Variants in SMARCAD1 observed in about 807,000 individuals in gnomAD.
SMARCAD1 encodes SNF2 related chromatin remodeling ATPase with DExD box 1.
A neutral mutation model predicts 127.1 loss-of-function variants in SMARCAD1; 25 were observed. The ratio of observed to expected loss-of-function variants is 0.20; its 90% confidence interval spans 0.14 to 0.27. The LOEUF (loss-of-function observed/expected upper bound fraction) is 0.27, where lower values mean the gene tolerates loss of function less well. SMARCAD1 is among the 10% of genes least tolerant of loss of function. The pLI, the probability that SMARCAD1 is intolerant of heterozygous loss-of-function variation, is 1.00. For missense variants in SMARCAD1, 807 were observed against 1,206.0 expected (o/e 0.67, Z 4.90); for synonymous variants, 400 against 396.9 (o/e 1.01, Z -0.09).
chr4:94,280,386 T>C (rs995596254), intron 19 of SMARCAD1, among the ~76,000 whole-genome samples: 4 of 152,276 alleles, frequency 2.6e-5, no homozygotes, highest in Non-Finnish European at 5.9e-5. Flanking sequence ...GTAAATATTT[T>C]AGTATGTTAT....
chr4:94,276,588 T>G lies in SMARCAD1; in HGVS notation c.1944+114T>G, dbSNP rs532927457. The G allele has an allele frequency of 5.8e-4, 778 of 1,350,332 alleles. 8 individuals carry two copies. Among genetic ancestry groups the G allele is most frequent in the South Asian group, 3.7e-3 (279 of 74,672 alleles). The allele number at this position is 1,350,332 out of a possible 1,614,324, so 83.6% of individuals were successfully genotyped here. A position where few individuals can be genotyped will look rare whatever the true frequency, so the allele number is the denominator to read the frequency against. On this transcript the variant is annotated intron_variant, in intron 15 of 23. Transcript: ENST00000354268. ...ATTATGTAGTTTAATATATGTAGTATTCTGTGTTAGCAAGTTTTTTCTGTA... is the reference window on the plus strand; with the variant it reads ...ATTATGTAGTTTAATATATGTAGTAGTCTGTGTTAGCAAGTTTTTTCTGTA...
At chr4:94,267,705 T>C (rs1490953630) in intron 10 of SMARCAD1, among the ~76,000 whole-genome samples, 1 of 152,072 alleles carries the variant, frequency 6.6e-6, no homozygotes, top group East Asian at 1.9e-4. Flanking sequence ...TTTAAATCAC[T>C]TTTTTCCTTA....
chr4:94,289,871 C>A lies in SMARCAD1; in HGVS notation c.*337C>A. On this transcript the variant is annotated 3_prime_UTR_variant, in exon 24 of 24. Coordinates refer to ENST00000354268, the MANE Select transcript of SMARCAD1 (RefSeq NM_020159.5). ...GTATTTTTGTAATTATTTCTACCTC[C>A]AAATATATATATATTGTCTTTCACT... The A allele has an allele frequency of 2.1e-6, 1 of 466,238 alleles. No individual in the cohort carries two copies. The highest frequency in any genetic ancestry group is 4.2e-6 in the Non-Finnish European group (1 of 235,778). 28.9% of individuals were successfully genotyped at this position (466,238 alleles called of 1,614,324 possible). A position where few individuals can be genotyped will look rare whatever the true frequency, so the allele number is the denominator to read the frequency against.
At position 94,240,913 on chromosome 4, in the gene SMARCAD1, G is replaced by A. The variant is rs938224510; in HGVS notation, c.612G>A (p.Gly204=). The stretch of plus-strand genomic sequence containing the variant: ...GCTGCTCTGCTTTAAAAGGTGGTGG[G>A]CCCAGGAAAAGAAAATTATCTTCTT... ...ALLMFGDAGG[G]PRKRKLSSSS... The change falls in exon 6 of 24, where the codon GGG becomes GGA. Residue 204 remains glycine, a synonymous_variant. Coordinates refer to ENST00000354268, the MANE Select transcript of SMARCAD1 (RefSeq NM_020159.5). The A allele has an allele frequency of 3.7e-6, 6 of 1,612,388 alleles. No individual in the cohort carries two copies. In the African/African-American group the frequency reaches 8.0e-5, roughly 22 times the overall value.
chr4:94,215,290 CAAAAG>C (rs1212536439), intron 2 of SMARCAD1, among the ~76,000 whole-genome samples: 1 of 152,064 alleles, frequency 6.6e-6, no homozygotes, highest in African/African-American at 2.4e-5. Context: ...AATAAGTACT[CAAAAG>C]TAAGTAGGAA....
intron 21 of SMARCAD1, among the ~76,000 whole-genome samples, chr4:94,282,858 A>G (rs1239982310): frequency 1.3e-5 from 2 of 152,186 alleles, no homozygotes; most frequent in Non-Finnish European, 2.9e-5. Flanking sequence ...CAAGTTTAAA[A>G]AGGACAAAAT....
At chr4:94,228,348 A>G (rs189467102) in intron 3 of SMARCAD1, among the ~76,000 whole-genome samples, 21 of 152,328 alleles carry the variant, frequency 1.4e-4, no homozygotes, top group Non-Finnish European at 2.6e-4. Flanking sequence ...GTAAACAGCA[A>G]TTACAATAAC....
At chr4:94,218,686 G>A (rs967571981) in intron 2 of SMARCAD1, among the ~76,000 whole-genome samples, 6 of 151,998 alleles carry the variant, frequency 3.9e-5, no homozygotes, top group Non-Finnish European at 7.4e-5. Context: ...CTTATATTTA[G>A]TGTATTGTTT....
chr4:94,246,444 T>C (rs1748434270), intron 6 of SMARCAD1, among the ~76,000 whole-genome samples: 1 of 152,224 alleles, frequency 6.6e-6, no homozygotes, highest in African/African-American at 2.4e-5. Flanking sequence ...AAGAGGTATT[T>C]TATAAAATGA....
At position 94,249,772 on chromosome 4, in the gene SMARCAD1, G is replaced by A; in HGVS notation, c.807+17G>A. On this transcript the variant is annotated intron_variant, in intron 7 of 23. Transcript: ENST00000354268. Reference sequence around the variant, plus strand: ...GATAAACAGGTGAGTAGTCGTGTATGAAAATTTAATCAGTGTGTACTAAGT... The same window carrying A: ...GATAAACAGGTGAGTAGTCGTGTATAAAAATTTAATCAGTGTGTACTAAGT... 2.9e-6 allele frequency: 4 copies of A among 1,401,124 alleles called. No homozygotes were observed. The highest frequency in any genetic ancestry group is 4.1e-6 in the Non-Finnish European group (4 of 986,696). 86.8% of individuals were successfully genotyped at this position (1,401,124 alleles called of 1,614,324 possible).
At chr4:94,253,750 G>A (rs1386474562) in intron 9 of SMARCAD1, 1 of 906,750 alleles carries the variant, frequency 1.1e-6, no homozygotes, top group African/African-American at 1.8e-5. Context: ...TGCATTTTGA[G>A]TTTTATGAAT....
At chr4:94,275,999 G>A (rs545956599) in intron 14 of SMARCAD1, among the ~76,000 whole-genome samples, 9 of 151,872 alleles carry the variant, frequency 5.9e-5, no homozygotes, top group Admixed American at 2.0e-4. Context: ...GGGTTTCACC[G>A]TGTTAGCCAG....
Position 94,289,857 on chromosome 4 carries a change from ATTAT to A in SMARCAD1, c.*326_*329del. 2.1e-6 allele frequency: 1 copy of A among 477,108 alleles called. No individual in the cohort carries two copies. Among genetic ancestry groups the A allele is most frequent in the South Asian group, 1.6e-5 (1 of 63,624 alleles). The allele number at this position is 477,108 out of a possible 1,614,324, so 29.6% of individuals were successfully genotyped here. A position where few individuals can be genotyped will look rare whatever the true frequency, so the allele number is the denominator to read the frequency against. On this transcript the variant is annotated 3_prime_UTR_variant, in exon 24 of 24. Coordinates refer to ENST00000354268, the MANE Select transcript of SMARCAD1 (RefSeq NM_020159.5). ...CTTTAGAAATGTCAGTATTTTTGTA[ATTAT>A]TTCTACCTCCAAATATATATATATT...
chr4:94,272,526 A>G (rs1752681413), intron 11 of SMARCAD1, among the ~76,000 whole-genome samples: 1 of 152,086 alleles, frequency 6.6e-6, no homozygotes, highest in Non-Finnish European at 1.5e-5. Flanking sequence ...TTTTCCAGTT[A>G]CTGCTACCAC....
At chr4:94,262,573 C>A (rs1196669051) in intron 9 of SMARCAD1, among the ~76,000 whole-genome samples, 1 of 152,258 alleles carries the variant, frequency 6.6e-6, no homozygotes, top group Admixed American at 6.5e-5. Flanking sequence ...CAGTTTAGAA[C>A]GCATTAAAAT....
At chr4:94,255,036 A>G (rs1024459909) in intron 9 of SMARCAD1, among the ~76,000 whole-genome samples, 1 of 152,048 alleles carries the variant, frequency 6.6e-6, no homozygotes, top group Non-Finnish European at 1.5e-5. Context: ...GTGAGGTTTG[A>G]TAATGTACCT....
chr4:94,280,248 A>G lies in SMARCAD1; in HGVS notation c.2419-344A>G, dbSNP rs567662696. Reference sequence around the variant, plus strand: ...TTTATAAAAGTAGAATTGCATAATGAAACTGCCCATATGTTACTTCACCCC... The same window carrying G: ...TTTATAAAAGTAGAATTGCATAATGGAACTGCCCATATGTTACTTCACCCC... On this transcript the variant is annotated intron_variant, in intron 19 of 23. Transcript: ENST00000354268. 9.2e-5 allele frequency among the ~76,000 whole-genome samples: 14 copies of G among 152,306 alleles called. No individual in the cohort carries two copies. The South Asian group carries it at 2.7e-3, about 29-fold the overall frequency.
intron 9 of SMARCAD1, among the ~76,000 whole-genome samples, chr4:94,258,161 T>G (rs1012025989): frequency 6.6e-6 from 1 of 151,954 alleles, no homozygotes; most frequent in Non-Finnish European, 1.5e-5. Context: ...TTTTTTTTTT[T>G]CTTTTCCTTC....
chr4:94,262,633 A>C (rs1024659752), intron 9 of SMARCAD1, among the ~76,000 whole-genome samples: 1 of 152,136 alleles, frequency 6.6e-6, no homozygotes, highest in African/African-American at 2.4e-5. Context: ...TTGCTTCTCT[A>C]GGTTCTGACA....
Sources: gnomAD v4.1 joint callset for allele counts (sites outside exome capture counted in the v4.1 genomes callset) on GRCh38, gnomAD v4.1.1 for gene constraint, MANE v1.5 for transcripts, NCBI Gene and HGNC (gene_info 2026-07-23, HGNC 2026-07-21) for gene names.